The following OTOGL variants were observed in gnomAD, a reference collection of about 807,000 sequenced individuals.
OTOGL encodes otogelin-like protein.
A neutral mutation model predicts 318.5 loss-of-function variants in OTOGL; 285 were observed. The ratio of observed to expected loss-of-function variants is 0.89; its 90% CI spans 0.81 to 0.99. The LOEUF (loss-of-function observed/expected upper bound fraction) is 0.99, where lower values mean the gene tolerates loss of function less well. Among genes scored for constraint, OTOGL ranks in the 50% least tolerant of loss-of-function variants. The pLI is 0.00. For missense variants in OTOGL, 2,899 were observed against 2,845.6 expected (o/e 1.02, Z -0.43); for synonymous variants, 987 against 936.5 (o/e 1.05, Z -0.99).
intron 1 of OTOGL, among the ~76,000 whole-genome samples, chr12:80,208,953 C>T (rs1172985253): frequency 3.3e-5 from 5 of 151,818 alleles, no homozygotes; most frequent in African/African-American, 7.3e-5. Flanking sequence ...TGTAGACATC[C>T]TAGGAAAGAT....
rs536539815 is a variant in OTOGL at position 80,140,830 on chromosome 12, GAGA to G, written c.-20+41230_-20+41232del. The stretch of plus-strand genomic sequence containing the variant: ...ATTAAATGTGAATTTCTGACTAAGA[GAGA>G]AGAACTGGTATCTTTGTAAATATAT... On this transcript the variant is annotated intron_variant, in intron 1 of 58. Transcript: ENST00000547103. Among the ~76,000 whole-genome samples the G allele has an allele frequency of 1.2e-4, 19 of 152,198 alleles. No individual in the cohort carries two copies. The East Asian group carries it at 2.7e-3, about 22-fold the overall frequency.
At chr12:80,324,151 A>T (rs1442732086) in intron 35 of OTOGL, among the ~76,000 whole-genome samples, 2 of 152,344 alleles carry the variant, frequency 1.3e-5, no homozygotes, top group South Asian at 2.1e-4. Context: ...ACATATTGTT[A>T]TGGCGGATAT....
At chr12:80,294,330 TAACA>T (rs1885241464) in intron 26 of OTOGL, among the ~76,000 whole-genome samples, 1 of 151,932 alleles carries the variant, frequency 6.6e-6, no homozygotes, top group Non-Finnish European at 1.5e-5. Flanking sequence ...AGGATGAAAC[TAACA>T]TTGAGGCATT....
At chr12:80,124,793 T>C (rs952430895) in intron 1 of OTOGL, among the ~76,000 whole-genome samples, 1 of 152,098 alleles carries the variant, frequency 6.6e-6, no homozygotes, top group Non-Finnish European at 1.5e-5. Context: ...TTATTCTCTT[T>C]GAAGCAATTG....
intron 52 of OTOGL, among the ~76,000 whole-genome samples, chr12:80,359,311 G>T (rs1357747491): frequency 6.6e-6 from 1 of 152,074 alleles, no homozygotes; most frequent in Non-Finnish European, 1.5e-5. Context: ...CGTTATCTGC[G>T]AACATGTAAA....
In OTOGL at chr12:80,313,486, C is replaced by T. The variant is rs762485776; in HGVS notation, c.3461C>T (p.Thr1154Ile). Residue 1154 changes from threonine (T) to isoleucine (I), a missense_variant, in exon 31 of 59, where the codon ACT (threonine) becomes ATT (isoleucine). Coordinates refer to ENST00000547103, the MANE Select transcript of OTOGL (RefSeq NM_001378609.3). ...CACCTCATTTTTCAGATTGACGTTA[C>T]TTCTTTTGCCAAAAATTGTCATGAA... ...FASCRNVIDV[T>I]SFAKNCHEDT... The T allele has an allele frequency of 2.5e-6, 4 of 1,609,736 alleles. No homozygotes were observed. The East Asian group carries it at 8.9e-5, about 36-fold the overall frequency.
intron 19 of OTOGL, among the ~76,000 whole-genome samples, chr12:80,263,603 C>G (rs543151797): frequency 2.2e-4 from 33 of 152,186 alleles, no homozygotes; most frequent in Admixed American, 7.9e-4. Context: ...AATTTCCCCA[C>G]ATGGACCCTA....
chr12:80,176,607 T>C (rs1320321860), intron 1 of OTOGL, among the ~76,000 whole-genome samples: 1 of 152,170 alleles, frequency 6.6e-6, no homozygotes, highest in Non-Finnish European at 1.5e-5. Flanking sequence ...TAGTATTCCA[T>C]TGTATGGATA....
chr12:80,377,785 A>T, intron 58 of OTOGL, 63 bp from the exon 59 acceptor site: 2 of 1,264,782 alleles, frequency 1.6e-6, no homozygotes, highest in Non-Finnish European at 2.2e-6. Flanking sequence ...TCTTAGTGGA[A>T]TCAAATAATA....
intron 1 of OTOGL, among the ~76,000 whole-genome samples, chr12:80,195,810 G>T (rs1480588167): frequency 2.0e-5 from 3 of 152,142 alleles, no homozygotes; most frequent in Non-Finnish European, 4.4e-5. Flanking sequence ...CTTAAAATTG[G>T]CCATAGTGGG....
At chr12:80,223,322 T>G (rs937663810) in intron 7 of OTOGL, among the ~76,000 whole-genome samples, 2 of 151,986 alleles carry the variant, frequency 1.3e-5, no homozygotes, top group Non-Finnish European at 2.9e-5. Context: ...CTTTATCCAC[T>G]CATTGATTGA....
intron 47 of OTOGL, 115 bp downstream of exon 47, chr12:80,356,063 AT>A: frequency 8.4e-7 from 1 of 1,189,458 alleles, no homozygotes; most frequent in East Asian, 2.3e-5. Context: ...CATAAATGTC[AT>A]TTTCTCAAAG....
intron 2 of OTOGL, 39 bp downstream of exon 2, chr12:80,209,549 A>G: frequency 6.0e-6 from 8 of 1,335,236 alleles, no homozygotes; most frequent in Non-Finnish European, 8.2e-6. Context: ...AATTTATTGT[A>G]TTTTTGTTTC....
At chr12:80,249,696 G>T (rs990546618) in intron 11 of OTOGL, among the ~76,000 whole-genome samples, 1 of 152,108 alleles carries the variant, frequency 6.6e-6, no homozygotes. Context: ...GCTCCACCCA[G>T]TTCGAGCTTC....
rs962669106 is a variant in OTOGL at position 80,287,186 on chromosome 12, T to G, written c.2928+8020T>G. ...AGTCATTCAGGAGCACGTTGTTCAG[T>G]TTCCATGTAGTTGTGCAGTTTTGAG... is the stretch of plus-strand genomic sequence containing the variant. On this transcript the variant is annotated intron_variant, in intron 26 of 58. Coordinates refer to ENST00000547103, the MANE Select transcript of OTOGL (RefSeq NM_001378609.3). 2.0e-5 allele frequency among the ~76,000 whole-genome samples: 3 copies of G among 151,902 alleles called. No individual in the cohort carries two copies. The South Asian group carries it at 6.2e-4, about 31-fold the overall frequency.
chr12:80,343,419 A>C (rs557456137), intron 44 of OTOGL: 2 of 151,584 alleles, frequency 1.3e-5, no homozygotes, highest in Non-Finnish European at 2.9e-5. Context: ...ATAATACCTA[A>C]TGCAAGGTAA....
At chr12:80,102,480 T>C (rs897592284) in intron 1 of OTOGL, among the ~76,000 whole-genome samples, 4 of 152,226 alleles carry the variant, frequency 2.6e-5, no homozygotes, top group African/African-American at 9.6e-5. Flanking sequence ...CACTCCTATG[T>C]CCACTTGATT....
At chr12:80,301,022 A>T (rs947716136) in intron 27 of OTOGL, among the ~76,000 whole-genome samples, 5 of 151,654 alleles carry the variant, frequency 3.3e-5, no homozygotes, top group Admixed American at 2.6e-4. Flanking sequence ...GAGACTGAAA[A>T]CTCCTTATGG....
chr12:80,379,348 T>TA lies in OTOGL; in HGVS notation c.*1301dup, dbSNP rs1409106840. 2.0e-5 allele frequency: 3 copies of TA among 152,004 alleles called. No individual in the cohort carries two copies. The allele number at this position is 152,004 out of a possible 1,614,324, so 9.4% of individuals were successfully genotyped here. Reference sequence around the variant, plus strand: ...GGGTGGGCTTAGGCTTAAACTAGATTATCTGCTTTCATATACTAATGTTTT... The same window carrying TA: ...GGGTGGGCTTAGGCTTAAACTAGATTAATCTGCTTTCATATACTAATGTTTT... On this transcript the variant is annotated 3_prime_UTR_variant, in exon 59 of 59. Coordinates refer to ENST00000547103, the MANE Select transcript of OTOGL (RefSeq NM_001378609.3).
Sources: allele counts gnomAD v4.1 joint callset (sites outside exome capture counted in the v4.1 genomes callset), GRCh38; gene constraint gnomAD v4.1.1; transcripts MANE v1.5; gene names NCBI Gene and HGNC (gene_info 2026-07-23, HGNC 2026-07-21).